Variants in NEGR1 observed in about 807,000 individuals in gnomAD.
NEGR1 encodes the protein neuronal growth regulator 1, also known as IgLON family member 4.
A neutral mutation model predicts 40.9 loss-of-function variants in NEGR1; 10 were observed. That is an observed-to-expected ratio of 0.24 (90% CI 0.15 to 0.42). The LOEUF (loss-of-function observed/expected upper bound fraction) is 0.42, where lower values mean the gene tolerates loss of function less well. Ranked by LOEUF, NEGR1 falls within the 10% of genes least tolerant of loss-of-function variation. The pLI, the probability that NEGR1 is intolerant of heterozygous loss-of-function variation, is 1.00. For synonymous variants in NEGR1, 185 were observed against 166.8 expected (o/e 1.11, Z -0.84); for missense variants, 352 against 438.9 (o/e 0.80, Z 1.77).
intron 5 of NEGR1, among the ~76,000 whole-genome samples, chr1:71,608,102 T>C (rs1344920608): frequency 2.0e-5 from 3 of 152,220 alleles, no homozygotes; most frequent in African/African-American, 7.2e-5. Context: ...TCCCTGCATA[T>C]GCTCAACTTT....
chr1:71,620,733 G>A (rs1650583400), intron 4 of NEGR1, among the ~76,000 whole-genome samples: 1 of 151,894 alleles, frequency 6.6e-6, no homozygotes, highest in African/African-American at 2.4e-5. Context: ...CCTCTGGTCA[G>A]CATTCACAGG....
At chr1:71,811,965 C>T (rs1248725201) in intron 2 of NEGR1, among the ~76,000 whole-genome samples, 2 of 150,654 alleles carry the variant, frequency 1.3e-5, no homozygotes, top group Non-Finnish European at 2.9e-5. Flanking sequence ...TAAACATGTG[C>T]CATGGTGGTT....
chr1:71,483,735 A>G (rs1401952075), intron 6 of NEGR1, among the ~76,000 whole-genome samples: 1 of 151,750 alleles, frequency 6.6e-6, no homozygotes, highest in Non-Finnish European at 1.5e-5. Flanking sequence ...TGCAGCAGTG[A>G]TGTCAGGTGT....
intron 2 of NEGR1, among the ~76,000 whole-genome samples, chr1:71,778,204 T>C (rs527801577): frequency 1.8e-4 from 27 of 152,132 alleles, no homozygotes; most frequent in African/African-American, 6.0e-4. Flanking sequence ...GAGACAGATA[T>C]ACATATATAG....
intron 6 of NEGR1, among the ~76,000 whole-genome samples, chr1:71,440,760 T>C (rs1646541784): frequency 6.6e-6 from 1 of 152,234 alleles, no homozygotes; most frequent in Non-Finnish European, 1.5e-5. Flanking sequence ...TGAGAGACAC[T>C]ACCTTAGGTC....
At chr1:71,513,743 G>A (rs1376846659) in intron 6 of NEGR1, among the ~76,000 whole-genome samples, 1 of 152,180 alleles carries the variant, frequency 6.6e-6, no homozygotes, top group African/African-American at 2.4e-5. Flanking sequence ...CCGGTGAACA[G>A]CTCCGGTCTA....
intron 2 of NEGR1, among the ~76,000 whole-genome samples, chr1:71,862,277 C>G (rs1659973187): frequency 6.6e-6 from 1 of 152,076 alleles, no homozygotes; most frequent in Middle Eastern, 3.4e-3. Context: ...GGAAGTGAAC[C>G]TAGGTTTTCT....
intron 1 of NEGR1, among the ~76,000 whole-genome samples, chr1:72,192,375 C>A (rs1652849500): frequency 6.6e-6 from 1 of 151,754 alleles, no homozygotes; most frequent in African/African-American, 2.4e-5. Context: ...AACAATTTAT[C>A]TTCTGCTGTA....
intron 1 of NEGR1, among the ~76,000 whole-genome samples, chr1:71,990,918 A>ATATTTT (rs888701714): frequency 1.4e-4 from 15 of 104,206 alleles, no homozygotes; most frequent in African/African-American, 4.1e-4. Flanking sequence ...ATATATATAT[A>ATATTTT]TTTTTTTTTT....
intron 6 of NEGR1, among the ~76,000 whole-genome samples, chr1:71,449,744 T>G (rs1179414077): frequency 6.6e-6 from 1 of 152,112 alleles, no homozygotes; most frequent in African/African-American, 2.4e-5. Flanking sequence ...GAACTAAGGT[T>G]TGGGAAGATT....
intron 1 of NEGR1, among the ~76,000 whole-genome samples, chr1:71,978,228 A>G (rs1646323709): frequency 6.6e-6 from 1 of 152,194 alleles, no homozygotes; most frequent in Non-Finnish European, 1.5e-5. Flanking sequence ...GAGACTGAGC[A>G]ACAACTATCA....
At chr1:72,089,150 T>A (rs7541651) in intron 1 of NEGR1, among the ~76,000 whole-genome samples, 62,396 of 151,908 alleles carry the variant, frequency 0.41, 13,558 homozygotes, top group Non-Finnish European at 0.49. Context: ...ATGCTGATCA[T>A]CCAATGGACC....
intron 6 of NEGR1, among the ~76,000 whole-genome samples, chr1:71,430,979 C>T (rs111778053): frequency 2.6e-5 from 4 of 151,872 alleles, no homozygotes; most frequent in Admixed American, 2.0e-4. Flanking sequence ...GATCTCCTGA[C>T]CTCGTGATCC....
At chr1:71,879,506 C>T (rs535227617) in intron 2 of NEGR1, among the ~76,000 whole-genome samples, 130 of 152,280 alleles carry the variant, frequency 8.5e-4, no homozygotes, top group African/African-American at 3.0e-3. Context: ...GTGGACTTTG[C>T]TGTTGACCCT....
At chr1:71,430,593 A>G (rs1646459140) in intron 6 of NEGR1, among the ~76,000 whole-genome samples, 1 of 151,896 alleles carries the variant, frequency 6.6e-6, no homozygotes. Context: ...GCTGGGCAGT[A>G]CAGAAAGTGT....
At chr1:71,560,785 G>T (rs1186908999) in intron 6 of NEGR1, among the ~76,000 whole-genome samples, 3 of 151,376 alleles carry the variant, frequency 2.0e-5, no homozygotes, top group Non-Finnish European at 3.0e-5. Context: ...ACTATGTAAA[G>T]GATAAGCTTC....
rs183442152 is a variant in NEGR1, at chr1:71,661,203, T to C, written c.667+36805A>G. ...TATAGTAGAATGATTTATAATCCTT[T>C]GAGTATATACCCAGTAATGGGATTG... On this transcript the variant is annotated intron_variant, in intron 4 of 6. Transcript: ENST00000357731. Among the ~76,000 whole-genome samples the C allele has an allele frequency of 3.0e-3, 450 of 152,310 alleles. 3 individuals are homozygous for C. The highest frequency in any genetic ancestry group is 0.01 in the African/African-American group (435 of 41,556).
chr1:71,805,662 A>T (rs1657742884), intron 2 of NEGR1, among the ~76,000 whole-genome samples: 1 of 152,218 alleles, frequency 6.6e-6, no homozygotes, highest in Non-Finnish European at 1.5e-5. Context: ...AGCTCATTAC[A>T]GTTTGCAAAC....
intron 6 of NEGR1, among the ~76,000 whole-genome samples, chr1:71,582,351 G>A (rs1014160767): frequency 2.0e-4 from 30 of 152,126 alleles, no homozygotes; most frequent in Non-Finnish European, 4.4e-5. Context: ...TGGAAAGAAA[G>A]GGAGGGATTT....
Sources: gnomAD v4.1 joint callset for allele counts (sites outside exome capture counted in the v4.1 genomes callset) on GRCh38, gnomAD v4.1.1 for gene constraint, MANE v1.5 for transcripts, NCBI Gene and HGNC (gene_info 2026-07-23, HGNC 2026-07-21) for gene names.